Variants in TLL1 observed in about 807,000 individuals in gnomAD.
The protein encoded by TLL1 is tolloid like 1.
A neutral mutation model predicts 128.2 loss-of-function variants in TLL1; 49 were observed. The ratio of observed to expected loss-of-function variants is 0.38; its 90% CI spans 0.30 to 0.48. TLL1 has a LOEUF of 0.48. Ranked by LOEUF, TLL1 falls within the 20% of genes least tolerant of loss-of-function variation. The probability of loss-of-function intolerance (pLI) is 0.96; values close to 1 mark genes in which losing one functional copy is unlikely to be tolerated. For synonymous variants in TLL1, 454 were observed against 418.8 expected, an observed-to-expected ratio of 1.08 and a Z score of -1.03; for missense variants, 1,123 against 1,242.0, an observed-to-expected ratio of 0.90 and a Z score of 1.44.
At chr4:165,911,235 T>C (rs1732513441) in intron 1 of TLL1, among the ~76,000 whole-genome samples, 1 of 152,210 alleles carries the variant, frequency 6.6e-6, no homozygotes, top group African/African-American at 2.4e-5. Context: ...TTCTACTCTC[T>C]ACCTCCATAA....
intron 12 of TLL1, among the ~76,000 whole-genome samples, chr4:166,051,232 CTTTTCTTTTTTCTCTT>C (rs1272537064): frequency 6.6e-6 from 1 of 152,002 alleles, no homozygotes; most frequent in South Asian, 2.1e-4. Context: ...TGCTCTTTCT[CTTTTCTTTTTTCTCTT>C]TTTTCTTTTT....
chr4:165,994,578 T>C, intron 4 of TLL1, 45 bp downstream of exon 4: 1 of 1,602,782 alleles, frequency 6.2e-7, no homozygotes. Flanking sequence ...AAATAAAAAC[T>C]ATCATACAGA....
intron 7 of TLL1, among the ~76,000 whole-genome samples, chr4:166,010,884 T>A (rs954131924): frequency 1.3e-5 from 2 of 151,276 alleles, no homozygotes; most frequent in Non-Finnish European, 3.0e-5. Context: ...GTTTTCTCAG[T>A]GTCATTTGTT....
At chr4:166,096,218 T>TGTGTGTGTGTGTCACGG (rs1742012558) in intron 19 of TLL1, among the ~76,000 whole-genome samples, 2 of 114,672 alleles carry the variant, frequency 1.7e-5, no homozygotes, top group African/African-American at 2.8e-5. Flanking sequence ...TGGGTGTGTG[T>TGTGTGTGTGTGTCACGG]GTGTGTGTGT....
intron 1 of TLL1, among the ~76,000 whole-genome samples, chr4:165,886,746 T>C (rs762486128): frequency 1.3e-5 from 2 of 152,212 alleles, no homozygotes; most frequent in African/African-American, 2.4e-5. Flanking sequence ...TTAAAATTCA[T>C]ATTTTTTAAC....
intron 18 of TLL1, among the ~76,000 whole-genome samples, chr4:166,085,485 T>TA (rs1553968776): frequency 0.073 from 11,035 of 151,828 alleles, 524 homozygotes; most frequent in Middle Eastern, 0.11. Context: ...GTTTTTTTTT[T>TA]ATCATGAAAG....
At chr4:166,009,111 C>G (rs1178514505) in intron 7 of TLL1, among the ~76,000 whole-genome samples, 1 of 151,052 alleles carries the variant, frequency 6.6e-6, no homozygotes, top group African/African-American at 2.4e-5. Context: ...ATTAACTGTC[C>G]AAATGTTTAT....
chr4:166,072,916 T>C (rs549949383), intron 16 of TLL1, among the ~76,000 whole-genome samples: 1 of 150,098 alleles, frequency 6.7e-6, no homozygotes, highest in Admixed American at 6.6e-5. Flanking sequence ...ACTAATTTTC[T>C]CTAAGCTGCT....
chr4:165,930,324 A>G (rs947805607), intron 1 of TLL1, among the ~76,000 whole-genome samples: 3 of 152,194 alleles, frequency 2.0e-5, no homozygotes, highest in Non-Finnish European at 4.4e-5. Context: ...TAAACAATTA[A>G]TGGATGATCA....
intron 1 of TLL1, among the ~76,000 whole-genome samples, chr4:165,963,252 A>C (rs888746625): frequency 2.0e-5 from 3 of 151,942 alleles, no homozygotes; most frequent in African/African-American, 7.3e-5. Flanking sequence ...TCATACTTTA[A>C]ACCTCAGAAT....
chr4:166,075,543 C>A (rs1309554637), intron 17 of TLL1, among the ~76,000 whole-genome samples: 1 of 152,142 alleles, frequency 6.6e-6, no homozygotes, highest in East Asian at 1.9e-4. Context: ...CACAATCATA[C>A]CCTACCAGAT....
intron 1 of TLL1, among the ~76,000 whole-genome samples, chr4:165,891,572 C>A (rs1453307195): frequency 1.3e-5 from 2 of 152,072 alleles, no homozygotes; most frequent in Admixed American, 1.3e-4. Flanking sequence ...AGGCTGGGGG[C>A]AAAATGCCAC....
intron 1 of TLL1, among the ~76,000 whole-genome samples, chr4:165,921,681 C>T (rs1224749072): frequency 6.6e-6 from 1 of 152,196 alleles, no homozygotes; most frequent in Non-Finnish European, 1.5e-5. Context: ...TTCTAAGCCA[C>T]TGGACCAGAA....
At chr4:166,069,256 T>C (rs7694649) in intron 16 of TLL1, among the ~76,000 whole-genome samples, 52,303 of 151,360 alleles carry the variant, frequency 0.35, 9,189 homozygotes, top group East Asian at 0.42. Flanking sequence ...AATCAAGAGA[T>C]ATTTTATAGA....
intron 1 of TLL1, among the ~76,000 whole-genome samples, chr4:165,965,046 A>G: frequency 6.6e-6 from 1 of 152,246 alleles, no homozygotes; most frequent in South Asian, 2.1e-4. Context: ...TTTATTTTTA[A>G]TATATGAAAT....
At chr4:166,031,038 A>T in intron 9 of TLL1, 1 of 879,562 alleles carries the variant, frequency 1.1e-6, no homozygotes, top group Non-Finnish European at 1.4e-6. Flanking sequence ...CTAAAAATTT[A>T]ATAAGTTAAT....
intron 1 of TLL1, among the ~76,000 whole-genome samples, chr4:165,962,662 G>C (rs1221850661): frequency 6.6e-6 from 1 of 152,076 alleles, no homozygotes; most frequent in African/African-American, 2.4e-5. Context: ...TAAGCCAGGT[G>C]CTCATCAATG....
chr4:165,996,007 C>A (rs1177284649), intron 5 of TLL1, among the ~76,000 whole-genome samples: 2 of 151,790 alleles, frequency 1.3e-5, no homozygotes, highest in Non-Finnish European at 2.9e-5. Context: ...TTTATCCTGC[C>A]AAACTGTTTT....
Position 166,078,010 on chromosome 4 carries a change from C to T in TLL1, c.2422C>T (p.Pro808Ser), listed in dbSNP as rs1741114838. ...ATGCACTTGGGAAATCAGCGCCACTCCTGGCCACCGAATCAAATTAGTAAG... is the reference window on the plus strand; with the variant it reads ...ATGCACTTGGGAAATCAGCGCCACTTCTGGCCACCGAATCAAATTAGTAAG... ...KECTWEISAT[P>S]GHRIKLAFSE... Residue 808 changes from proline (P) to serine (S), a missense_variant, in exon 18 of 21, where the codon CCT (proline) becomes TCT (serine). This residue lies in a region of TLL1 where 634 missense variants were observed against 672.4 expected (regional missense o/e 0.94). Transcript: ENST00000061240. 6.2e-7 allele frequency: 1 copy of T among 1,613,636 alleles called. No homozygotes were observed. Among genetic ancestry groups the T allele is most frequent in the African/African-American group, 1.3e-5 (1 of 75,020 alleles).
Sources: gnomAD v4.1 joint callset for allele counts (sites outside exome capture counted in the v4.1 genomes callset) on GRCh38, gnomAD v4.1.1 for gene constraint, gnomAD v4.1.1 regional missense constraint, MANE v1.5 for transcripts, NCBI Gene and HGNC (gene_info 2026-07-23, HGNC 2026-07-21) for gene names.